The following PCDHGB4 variants were observed in gnomAD, a reference collection of about 807,000 sequenced individuals.
PCDHGB4 encodes the protein protocadherin gamma subfamily B, 4.
A neutral mutation model predicts 60.5 loss-of-function variants in PCDHGB4; 38 were observed. The observed-to-expected ratio is 0.63, with a 90% CI of 0.48 to 0.82. The LOEUF (loss-of-function observed/expected upper bound fraction) is 0.82, where lower values mean the gene tolerates loss of function less well. PCDHGB4 is among the 40% of genes least tolerant of loss of function. The pLI is 0.00. For synonymous variants in PCDHGB4, 456 were observed against 509.7 expected (o/e 0.89, Z 1.42); for missense variants, 1,109 against 1,209.6 (o/e 0.92, Z 1.23).
chr5:141,485,899 C>A lies in PCDHGB4; in HGVS notation c.2398-8908C>A, dbSNP rs775312856. 12 of 1,614,166 alleles carry A rather than the reference C, an allele frequency of 7.4e-6. No individual in the cohort carries two copies. The highest frequency in any genetic ancestry group is 8.5e-6 in the Non-Finnish European group (10 of 1,180,032). On this transcript the variant is annotated intron_variant, in intron 1 of 3. Coordinates refer to ENST00000519479, the MANE Select transcript of PCDHGB4 (RefSeq NM_003736.4). The surrounding 1 kb of genome is among the most constrained non-coding windows in gnomAD (Gnocchi z 5.7). ...ACGTAAACGACAACGCCCCAGCCTT[C>A]CAGCAATCCAGCTACAGGATTAGTG...
At position 141,487,636 on chromosome 5, in the gene PCDHGB4, A is replaced by G. The variant is rs780468230; in HGVS notation, c.2398-7171A>G. 3 of 1,614,192 alleles carry G rather than the reference A, an allele frequency of 1.9e-6. No homozygotes were observed. Among genetic ancestry groups the G allele is most frequent in the Non-Finnish European group, 1.7e-6 (2 of 1,180,030 alleles). Reference sequence around the variant, plus strand: ...TAGAGGTGAGACCTTTGCAGGCTCAACAAATGCTTGAGGGTTATTCTGATC... The same window carrying G: ...TAGAGGTGAGACCTTTGCAGGCTCAGCAAATGCTTGAGGGTTATTCTGATC... On this transcript the variant is annotated intron_variant, in intron 1 of 3. Transcript: ENST00000519479. This position sits in a 1 kb window ranked among gnomAD's most constrained non-coding sequence, Gnocchi z 5.0.
rs563057370 is a variant in PCDHGB4 at position 141,491,297 on chromosome 5, A to G, written c.2398-3510A>G. 1.2e-6 allele frequency: 2 copies of G among 1,614,106 alleles called. No homozygotes were observed. Among genetic ancestry groups the G allele is most frequent in the African/African-American group, 2.7e-5 (2 of 75,038 alleles). On this transcript the variant is annotated intron_variant, in intron 1 of 3. Transcript: ENST00000519479. This position sits in a 1 kb window ranked among gnomAD's most constrained non-coding sequence, Gnocchi z 6.9. The stretch of plus-strand genomic sequence containing the variant: ...AGTGACTTCCTCATACACCCTCCTG[A>G]GCGTTCAGACCTTACCCTTTACCTC...
At position 141,400,328 on chromosome 5, in the gene PCDHGB4, T is replaced by A. The variant is rs754904671; in HGVS notation, c.2397+10047T>A. ...GGTCTCTGTGTCAAGTCTGGACCTG[T>A]GGTTCCCCCCAACTACAGTCAGGGG... On this transcript the variant is annotated intron_variant, in intron 1 of 3. Coordinates refer to ENST00000519479, the MANE Select transcript of PCDHGB4 (RefSeq NM_003736.4). 80 of 1,613,976 alleles carry A rather than the reference T, an allele frequency of 5.0e-5. No homozygotes were observed. Among genetic ancestry groups the A allele is most frequent in the Non-Finnish European group, 6.4e-5 (76 of 1,179,916 alleles).
intron 1 of PCDHGB4, chr5:141,395,373 G>C: frequency 8.4e-7 from 1 of 1,189,414 alleles, no homozygotes; most frequent in Non-Finnish European, 1.1e-6. Context: ...TATTTTGGTG[G>C]TGTTACTATA....
intron 1 of PCDHGB4, among the ~76,000 whole-genome samples, chr5:141,430,064 A>T (rs1482609618): frequency 6.6e-6 from 1 of 152,190 alleles, no homozygotes; most frequent in Non-Finnish European, 1.5e-5. Flanking sequence ...TATCATTTTT[A>T]GGTTTCCATA....
At chr5:141,461,190 T>C (rs2099010725) in intron 1 of PCDHGB4, among the ~76,000 whole-genome samples, 1 of 152,142 alleles carries the variant, frequency 6.6e-6, no homozygotes, top group Non-Finnish European at 1.5e-5. Context: ...TAGATCTGTT[T>C]TTTGCTCTTT....
intron 1 of PCDHGB4, chr5:141,430,838 G>C (rs866767896): frequency 1.3e-6 from 2 of 1,563,026 alleles, no homozygotes; most frequent in Middle Eastern, 1.7e-4. Context: ...GTGGGAGACC[G>C]GATGCACCCA....
At chr5:141,421,080 C>G in intron 1 of PCDHGB4, 1 of 638,368 alleles carries the variant, frequency 1.6e-6, no homozygotes, top group South Asian at 2.1e-5. Flanking sequence ...GATGGATACT[C>G]ACAGATCCTG....
intron 3 of PCDHGB4, 96 bp downstream of exon 3, chr5:141,505,577 G>C: frequency 2.5e-6 from 4 of 1,589,854 alleles, no homozygotes; most frequent in Non-Finnish European, 3.4e-6. Flanking sequence ...TGTCAAACCT[G>C]TGTAGTTTCT....
rs759399243 is a variant in PCDHGB4 at position 141,389,160 on chromosome 5, G to T, written c.1276G>T (p.Gly426Cys). 1.2e-6 allele frequency: 2 copies of T among 1,613,996 alleles called. No homozygotes were observed. The highest frequency in any genetic ancestry group is 3.3e-5 in the Admixed American group (2 of 60,028). ...YNITVTATDR[G>C]KPPLSSSSSI... Reference sequence around the variant, plus strand: ...TATAACCGTTACGGCAACAGATCGGGGCAAGCCTCCCCTCTCCTCCAGTTC... The same window carrying T: ...TATAACCGTTACGGCAACAGATCGGTGCAAGCCTCCCCTCTCCTCCAGTTC... Residue 426 changes from glycine to cysteine, a missense_variant, in exon 1 of 4, where the codon GGC (glycine) becomes TGC (cysteine). Physicochemically the swap from Gly to Cys is radical, Grantham distance 159. Transcript: ENST00000519479.
At chr5:141,433,207 TC>T (rs780557883) in intron 1 of PCDHGB4, 10 of 1,568,868 alleles carry the variant, frequency 6.4e-6, no homozygotes, top group African/African-American at 1.4e-5. Flanking sequence ...AAATCTTCTT[TC>T]TTTTTTTTTT....
In PCDHGB4 at chr5:141,389,898, GA is replaced by G. The variant is rs916636012; in HGVS notation, c.2015del (p.Asp672ValfsTer19). ...CGACAGCTTGCAGGAGGTGCTGCCGGATATCACTGACCGCCCCGACCCCTCT... is the reference window on the plus strand; with the variant it reads ...CGACAGCTTGCAGGAGGTGCTGCCGGTATCACTGACCGCCCCGACCCCTCT... The part of the protein sequence containing the change: ...FADSLQEVLP[D>X]ITDRPDPSDL... On this transcript the variant is annotated frameshift_variant, in exon 1 of 4. Coordinates refer to ENST00000519479, the MANE Select transcript of PCDHGB4 (RefSeq NM_003736.4). LOFTEE classifies it high-confidence loss of function. 3.1e-6 allele frequency: 5 copies of G among 1,613,952 alleles called. No homozygotes were observed. In the African/African-American group the frequency reaches 5.3e-5, roughly 17 times the overall value.
At chr5:141,446,102 A>C (rs751362645) in intron 1 of PCDHGB4, among the ~76,000 whole-genome samples, 1 of 152,214 alleles carries the variant, frequency 6.6e-6, no homozygotes, top group Non-Finnish European at 1.5e-5. Context: ...TGAATTATAG[A>C]TATATTTAGG....
At chr5:141,406,989 T>C (rs1402069577) in intron 1 of PCDHGB4, among the ~76,000 whole-genome samples, 2 of 152,236 alleles carry the variant, frequency 1.3e-5, no homozygotes, top group Non-Finnish European at 2.9e-5. Context: ...TCACAAGACA[T>C]TTGAAAATAA....
intron 1 of PCDHGB4, chr5:141,416,195 CAATT>C (rs1181982521): frequency 6.6e-6 from 1 of 152,322 alleles, no homozygotes; most frequent in African/African-American, 2.4e-5. Flanking sequence ...ATTGAATTAA[CAATT>C]TATTTATAAC....
intron 1 of PCDHGB4, among the ~76,000 whole-genome samples, chr5:141,473,195 C>G (rs1053769499): frequency 6.6e-6 from 1 of 152,104 alleles, no homozygotes; most frequent in Non-Finnish European, 1.5e-5. Flanking sequence ...GTAAATGTAT[C>G]TTCTAAAAAA....
At chr5:141,459,499 G>A (rs2098968854) in intron 1 of PCDHGB4, among the ~76,000 whole-genome samples, 1 of 152,172 alleles carries the variant, frequency 6.6e-6, no homozygotes, top group Non-Finnish European at 1.5e-5. Context: ...TTAAAGTGAT[G>A]TGAACAATCA....
At chr5:141,422,942 G>A (rs199976232) in intron 1 of PCDHGB4, 5 of 1,614,096 alleles carry the variant, frequency 3.1e-6, no homozygotes, top group Non-Finnish European at 4.2e-6. Flanking sequence ...CCCACAGACG[G>A]CTCCACTGGC....
intron 1 of PCDHGB4, chr5:141,402,944 G>C (rs1487270083): frequency 2.5e-6 from 4 of 1,592,136 alleles, no homozygotes; most frequent in African/African-American, 1.3e-5. Context: ...ATTCCAAAGC[G>C]AGGCAGCAAT....
Sources: allele counts gnomAD v4.1 joint callset (sites outside exome capture counted in the v4.1 genomes callset), GRCh38; gene constraint gnomAD v4.1.1; non-coding constraint Gnocchi (gnomAD v3.1); transcripts MANE v1.5; gene names NCBI Gene and HGNC (gene_info 2026-07-23, HGNC 2026-07-21).